TTC21B: variants seen among roughly 807,000 people sequenced by gnomAD.
TTC21B encodes tetratricopeptide repeat protein 21B.
In TTC21B, 127 loss-of-function variants were observed where a neutral mutation model predicts 175.1. The observed-to-expected ratio is 0.73, with a 90% confidence interval of 0.63 to 0.84. The LOEUF (loss-of-function observed/expected upper bound fraction) is 0.84. Among genes scored for constraint, TTC21B ranks in the 40% least tolerant of loss-of-function variants. The probability of loss-of-function intolerance (pLI) is 0.00; values close to 1 mark genes in which losing one functional copy is unlikely to be tolerated. For missense variants in TTC21B, 1,561 were observed against 1,558.3 expected (o/e 1.00, Z -0.03); for synonymous variants, 524 against 524.5 (o/e 1.00, Z 0.01).
intron 13 of TTC21B, among the ~76,000 whole-genome samples, chr2:165,918,253 CACT>C (rs762246261): frequency 5.3e-5 from 8 of 152,152 alleles, no homozygotes; most frequent in Non-Finnish European, 1.0e-4. Context: ...TCTGACATAC[CACT>C]AGTCTTGAAA....
intron 12 of TTC21B, among the ~76,000 whole-genome samples, chr2:165,922,913 G>A (rs6713602): frequency 0.29 from 44,726 of 152,018 alleles, 7,501 homozygotes; most frequent in Non-Finnish European, 0.39. Context: ...CTGTAAAAAA[G>A]TAATGAAATA....
intron 13 of TTC21B, among the ~76,000 whole-genome samples, chr2:165,918,659 C>T (rs1056259353): frequency 7.9e-5 from 12 of 152,184 alleles, no homozygotes; most frequent in African/African-American, 2.6e-4. Flanking sequence ...GGGTCCATGA[C>T]CCTGTGAAGC....
At chr2:165,911,633 T>C (rs1000061237) in intron 17 of TTC21B, among the ~76,000 whole-genome samples, 168 bp from the exon 18 acceptor site, 8 of 151,942 alleles carry the variant, frequency 5.3e-5, no homozygotes, top group African/African-American at 1.7e-4. Context: ...TCTCAGAGAA[T>C]AGATCATCAC....
At chr2:165,948,041 A>G (rs1006670324) in intron 3 of TTC21B, 1 of 152,202 alleles carries the variant, frequency 6.6e-6, no homozygotes, top group Admixed American at 6.5e-5. Flanking sequence ...CTAGCTAAAC[A>G]CACTCCCACT....
rs538720353 is a variant in TTC21B, at chr2:165,952,188, G to A, written c.21+1497C>T. ...ACACTCTGTGGGCCATATCTGGCTG[G>A]CTGGCTGTACAGCCAGTGAACTAAG... On this transcript the variant is annotated intron_variant, in intron 1 of 28. Transcript: ENST00000243344. Among the ~76,000 whole-genome samples, 8 of 152,310 alleles carry A rather than the reference G, an allele frequency of 5.3e-5. No individual in the cohort carries two copies. The South Asian group carries it at 1.7e-3, about 32-fold the overall frequency.
chr2:165,898,314 T>C (rs754828895), intron 22 of TTC21B, among the ~76,000 whole-genome samples: 2 of 152,030 alleles, frequency 1.3e-5, no homozygotes, highest in African/African-American at 2.4e-5. Flanking sequence ...AATGGAGAAG[T>C]TCTCTTCCAG....
intron 1 of TTC21B, among the ~76,000 whole-genome samples, chr2:165,952,132 C>T (rs941538789): frequency 2.0e-5 from 3 of 152,176 alleles, no homozygotes; most frequent in African/African-American, 7.2e-5. Context: ...CTAAAAGCCA[C>T]TCCATACTCT....
At chr2:165,924,508 A>G in intron 12 of TTC21B, 41 bp downstream of exon 12, 1 of 1,592,412 alleles carries the variant, frequency 6.3e-7, no homozygotes, top group Non-Finnish European at 8.6e-7. Flanking sequence ...TTTTATCAAC[A>G]TCAGAATAAA....
chr2:165,941,752 C>T (rs1054701866), intron 5 of TTC21B, among the ~76,000 whole-genome samples: 1 of 151,144 alleles, frequency 6.6e-6, no homozygotes, highest in Non-Finnish European at 1.5e-5. Context: ...TAAAATAATC[C>T]CAAATGTACC....
In TTC21B at chr2:165,913,664, A is replaced by G. The variant is rs1332901302; in HGVS notation, c.2139-18T>C. 20 of 1,585,012 alleles carry G rather than the reference A, an allele frequency of 1.3e-5. No individual in the cohort carries two copies. The highest frequency in any genetic ancestry group is 1.7e-5 in the Non-Finnish European group (20 of 1,153,932). On this transcript the variant is annotated intron_variant, in intron 15 of 28. Coordinates refer to ENST00000243344, the MANE Select transcript of TTC21B (RefSeq NM_024753.5). ...CAATTTCTCTGGAAATCAGACCAACATTACTTAGCATATTGAACACAGATA... is the reference window on the plus strand; with the variant it reads ...CAATTTCTCTGGAAATCAGACCAACGTTACTTAGCATATTGAACACAGATA...
In TTC21B at chr2:165,929,102, G is replaced by A. The variant is rs1272251895; in HGVS notation, c.1386+33C>T. 6.3e-6 allele frequency: 10 copies of A among 1,587,862 alleles called. No homozygotes were observed. The East Asian group carries it at 6.7e-5, about 11-fold the overall frequency. On this transcript the variant is annotated intron_variant, in intron 11 of 28. Coordinates refer to ENST00000243344, the MANE Select transcript of TTC21B (RefSeq NM_024753.5). Reference sequence around the variant, plus strand: ...TTCTTTCATAAAACATCAAGTAAACGCATCCTTGAAAGTAAGTCCCATAAT... The same window carrying A: ...TTCTTTCATAAAACATCAAGTAAACACATCCTTGAAAGTAAGTCCCATAAT...
chr2:165,883,932 A>G lies in TTC21B; in HGVS notation c.3546T>C (p.Arg1182=). 1 of 1,614,098 alleles carries G rather than the reference A, an allele frequency of 6.2e-7. No individual in the cohort carries two copies. The highest frequency in any genetic ancestry group is 2.2e-5 in the East Asian group (1 of 44,860). The part of the protein sequence containing the change: ...QTPRARNQLK[R]IAKMNWNAID... Reference sequence around the variant, plus strand: ...TAGCATTCCAATTCATTTTCGCAATACGCTTCAGCTGGTTTCTGGCTCGTG... The same window carrying G: ...TAGCATTCCAATTCATTTTCGCAATGCGCTTCAGCTGGTTTCTGGCTCGTG... Residue 1182 remains arginine (R), a synonymous_variant, in exon 26 of 29, where the codon CGT becomes CGC. Transcript: ENST00000243344.
Position 165,946,468 on chromosome 2 carries a change from T to C in TTC21B, c.263-778A>G, listed in dbSNP as rs926396175. On this transcript the variant is annotated intron_variant, in intron 3 of 28. Coordinates refer to ENST00000243344, the MANE Select transcript of TTC21B (RefSeq NM_024753.5). ...TAAGTTTTCTAATAACTGAATCAAG[T>C]ATCATTTTTAAGTTTAAAAAGTAAA... Among the ~76,000 whole-genome samples the C allele has an allele frequency of 5.9e-5, 9 of 152,224 alleles. No homozygotes were observed. In the East Asian group the frequency reaches 1.5e-3, roughly 26 times the overall value.
At chr2:165,887,131 C>G (rs1276053883) in intron 25 of TTC21B, among the ~76,000 whole-genome samples, 1 of 152,056 alleles carries the variant, frequency 6.6e-6, no homozygotes, top group African/African-American at 2.4e-5. Context: ...CCTCCAGGGC[C>G]CTAAAAGGTG....
In TTC21B at chr2:165,898,731, CAT is replaced by C. The variant is rs1326286323; in HGVS notation, c.2903_2904del (p.Tyr968Ter). ...TGCTGTAAATGAAACACTGCTTGTT[CAT>C]AGTCTTGTTTTCTGAACATGAGATC... The part of the protein sequence containing the change: ...MADLMFRKQD[Y>X]EQAVFHLQQL... On this transcript the variant is annotated frameshift_variant, in exon 22 of 29. Coordinates refer to ENST00000243344, the MANE Select transcript of TTC21B (RefSeq NM_024753.5). LOFTEE classifies it high-confidence loss of function. 1.2e-6 allele frequency: 2 copies of C among 1,613,554 alleles called. No individual in the cohort carries two copies. Among genetic ancestry groups the C allele is most frequent in the East Asian group, 2.2e-5 (1 of 44,868 alleles).
chr2:165,893,467 A>G (rs1685263575), intron 22 of TTC21B, among the ~76,000 whole-genome samples: 1 of 152,194 alleles, frequency 6.6e-6, no homozygotes, highest in Non-Finnish European at 1.5e-5. Flanking sequence ...AGTTCAAGTT[A>G]TAATTACCAG....
chr2:165,901,136 A>G (rs1685546364), intron 20 of TTC21B, among the ~76,000 whole-genome samples: 1 of 152,042 alleles, frequency 6.6e-6, no homozygotes, highest in African/African-American at 2.4e-5. Context: ...TTCTGGACTC[A>G]AGTGATCTGC....
chr2:165,875,311 C>T (rs1279087556), intron 28 of TTC21B, among the ~76,000 whole-genome samples: 3 of 151,800 alleles, frequency 2.0e-5, no homozygotes, highest in African/African-American at 7.3e-5. Context: ...TAATATATAG[C>T]CTTACATTAA....
rs1193507427 is a variant in TTC21B at position 165,891,970 on chromosome 2, G to A, written c.2951-982C>T. Among the ~76,000 whole-genome samples, 6 of 151,876 alleles carry A rather than the reference G, an allele frequency of 4.0e-5. 1 individual carries two copies. The highest frequency in any genetic ancestry group is 3.2e-3 in the Middle Eastern group (1 of 316). The stretch of plus-strand genomic sequence containing the variant: ...ATATACAAAACTGGAGTCACATTGG[G>A]GTTTTGATTTTGATCGGTTTTGATT... On this transcript the variant is annotated intron_variant, in intron 22 of 28. Transcript: ENST00000243344.
Sources: allele counts gnomAD v4.1 joint callset (sites outside exome capture counted in the v4.1 genomes callset), GRCh38; gene constraint gnomAD v4.1.1; transcripts MANE v1.5; gene names NCBI Gene and HGNC (gene_info 2026-07-23, HGNC 2026-07-21).